Variants in FAM227B observed in about 807,000 individuals in gnomAD.
FAM227B encodes family with sequence similarity 227 member B.
A neutral mutation model predicts 73.8 loss-of-function variants in FAM227B; 88 were observed. The observed-to-expected ratio is 1.19, with a 90% CI of 1.00 to 1.42. The LOEUF (loss-of-function observed/expected upper bound fraction) is 1.42. Among genes scored for constraint, FAM227B ranks in the 40% most tolerant of loss-of-function variants. FAM227B has a pLI of 0.00. For synonymous variants in FAM227B, 210 were observed against 190.5 expected (o/e 1.10, Z -0.84); for missense variants, 632 against 590.9 (o/e 1.07, Z -0.72).
At chr15:49,574,578 T>C (rs1208504703) in intron 8 of FAM227B, among the ~76,000 whole-genome samples, 2 of 152,152 alleles carry the variant, frequency 1.3e-5, no homozygotes, top group Non-Finnish European at 2.9e-5. Context: ...CATGCGGAAA[T>C]ACGAGTCAAT....
intron 11 of FAM227B, among the ~76,000 whole-genome samples, chr15:49,491,767 T>C (rs1285846197): frequency 1.3e-5 from 2 of 151,688 alleles, no homozygotes; most frequent in African/African-American, 4.8e-5. Flanking sequence ...TATATGTGTA[T>C]TCATCTACTT....
At chr15:49,613,277 G>A (rs1273385602) in intron 2 of FAM227B, among the ~76,000 whole-genome samples, 1 of 152,206 alleles carries the variant, frequency 6.6e-6, no homozygotes, top group Non-Finnish European at 1.5e-5. Context: ...CACTTTGGGA[G>A]GCCAAGGCAG....
At chr15:49,586,346 T>C (rs970629521) in intron 5 of FAM227B, among the ~76,000 whole-genome samples, 10 of 152,110 alleles carry the variant, frequency 6.6e-5, no homozygotes, top group African/African-American at 2.2e-4. Context: ...ATGCAGAAGA[T>C]TGAAACTGGA....
chr15:49,556,968 G>T (rs2152325175), intron 9 of FAM227B, among the ~76,000 whole-genome samples: 1 of 152,240 alleles, frequency 6.6e-6, no homozygotes, highest in African/African-American at 2.4e-5. Context: ...AGAGTGGGTT[G>T]CCCCTTGCCT....
intron 10 of FAM227B, among the ~76,000 whole-genome samples, chr15:49,531,745 G>C (rs1057278637): frequency 6.6e-6 from 1 of 151,956 alleles, no homozygotes; most frequent in Non-Finnish European, 1.5e-5. Flanking sequence ...ACGCCTGAGA[G>C]AACGTGCAAC....
intron 11 of FAM227B, among the ~76,000 whole-genome samples, chr15:49,449,382 A>G (rs1303464338): frequency 1.3e-5 from 2 of 152,038 alleles, no homozygotes; most frequent in African/African-American, 4.8e-5. Context: ...AGACAGTTAT[A>G]TTTCTATTTA....
At chr15:49,465,961 T>G (rs1020580952) in intron 11 of FAM227B, among the ~76,000 whole-genome samples, 1 of 152,182 alleles carries the variant, frequency 6.6e-6, no homozygotes, top group Admixed American at 6.5e-5. Flanking sequence ...GGGGGTTAGC[T>G]GAAGCATAAG....
intron 13 of FAM227B, among the ~76,000 whole-genome samples, chr15:49,359,982 C>T (rs931917636): frequency 6.7e-5 from 10 of 148,954 alleles, no homozygotes; most frequent in Admixed American, 2.0e-4. Context: ...AGTAAACTAT[C>T]GCAAGAACAA....
Position 49,386,501 on chromosome 15 carries a change from G to T in FAM227B, c.1013-15102C>A, listed in dbSNP as rs1327486437. ...TCAAAACCTCTGGAATACAGCAAAA[G>T]CAGTGCTTAGAGGAAAGTTTATAGT... On this transcript the variant is annotated intron_variant, in intron 11 of 15. Coordinates refer to ENST00000299338, the MANE Select transcript of FAM227B (RefSeq NM_152647.3). Among the ~76,000 whole-genome samples, 4 of 151,934 alleles carry T rather than the reference G, an allele frequency of 2.6e-5. 1 individual carries two copies. The highest frequency in any genetic ancestry group is 7.2e-5 in the African/African-American group (3 of 41,508).
intron 5 of FAM227B, among the ~76,000 whole-genome samples, chr15:49,578,537 C>T (rs772211697): frequency 6.6e-6 from 1 of 151,966 alleles, no homozygotes; most frequent in Non-Finnish European, 1.5e-5. Context: ...AATTACTAAG[C>T]TTACAAGTAA....
chr15:49,408,738 T>A (rs1337442095), intron 11 of FAM227B, among the ~76,000 whole-genome samples: 1 of 152,196 alleles, frequency 6.6e-6, no homozygotes, highest in Non-Finnish European at 1.5e-5. Flanking sequence ...TCCTGTTTTT[T>A]TCTGCTTCAT....
intron 11 of FAM227B, among the ~76,000 whole-genome samples, chr15:49,493,480 T>A (rs909123457): frequency 1.3e-5 from 2 of 151,980 alleles, no homozygotes; most frequent in African/African-American, 4.8e-5. Flanking sequence ...ATCCAGAATG[T>A]CTCAACTTCT....
At chr15:49,338,325 G>A (rs2040120410) in intron 13 of FAM227B, among the ~76,000 whole-genome samples, 1 of 152,108 alleles carries the variant, frequency 6.6e-6, no homozygotes, top group African/African-American at 2.4e-5. Flanking sequence ...AGGCCTGGTG[G>A]TGACAAAATC....
At chr15:49,522,053 G>A (rs929777015) in intron 10 of FAM227B, among the ~76,000 whole-genome samples, 1 of 152,124 alleles carries the variant, frequency 6.6e-6, no homozygotes, top group African/African-American at 2.4e-5. Context: ...GCTAGGGCAG[G>A]AGATAAGCTT....
At position 49,587,938 on chromosome 15, in the gene FAM227B, C is replaced by T. The variant is rs921188822; in HGVS notation, c.405+78G>A. The T allele has an allele frequency of 1.5e-5, 19 of 1,242,626 alleles. No individual in the cohort carries two copies. In the African/African-American group the frequency reaches 2.9e-4, roughly 19 times the overall value. The allele number at this position is 1,242,626 out of a possible 1,614,324, so 77.0% of individuals were successfully genotyped here. A position where few individuals can be genotyped will look rare whatever the true frequency, so the allele number is the denominator to read the frequency against. ...GACATTTACAAAAGTGTTATTAGTGCTCATCTGTGGAAATGTAGTGTTTAT... is the reference window on the plus strand; with the variant it reads ...GACATTTACAAAAGTGTTATTAGTGTTCATCTGTGGAAATGTAGTGTTTAT... On this transcript the variant is annotated intron_variant, in intron 5 of 15. Coordinates refer to ENST00000299338, the MANE Select transcript of FAM227B (RefSeq NM_152647.3).
At chr15:49,424,546 CAAAGTAA>C in intron 11 of FAM227B, 1 of 1,603,920 alleles carries the variant, frequency 6.2e-7, no homozygotes, top group Non-Finnish European at 8.5e-7. Flanking sequence ...ATAAAAGAGG[CAAAGTAA>C]AAGGGACCCA....
chr15:49,366,275 A>G (rs900802451), intron 13 of FAM227B: 4 of 786,910 alleles, frequency 5.1e-6, no homozygotes, highest in African/African-American at 5.1e-5. Context: ...TATAAATGCA[A>G]TCAGTATTTT....
chr15:49,374,125 AG>A (rs1260827958), intron 11 of FAM227B, among the ~76,000 whole-genome samples: 2 of 152,216 alleles, frequency 1.3e-5, no homozygotes, highest in African/African-American at 4.8e-5. Flanking sequence ...TACTTTATAA[AG>A]ATAGTTGGTA....
At chr15:49,410,647 C>T (rs981836546) in intron 11 of FAM227B, among the ~76,000 whole-genome samples, 1 of 152,016 alleles carries the variant, frequency 6.6e-6, no homozygotes, top group Non-Finnish European at 1.5e-5. Context: ...TGATTACCCA[C>T]ACAAACCCCA....
Sources: gnomAD v4.1 joint callset for allele counts (sites outside exome capture counted in the v4.1 genomes callset) on GRCh38, gnomAD v4.1.1 for gene constraint, MANE v1.5 for transcripts, NCBI Gene and HGNC (gene_info 2026-07-23, HGNC 2026-07-21) for gene names.